The following BCAT1 variants were observed in gnomAD, a reference collection of about 807,000 sequenced individuals.
BCAT1 encodes branched-chain-amino-acid aminotransferase, cytosolic.
BCAT1 carries 48 observed loss-of-function variants against 52.4 expected under a neutral mutation model. That is an observed-to-expected ratio of 0.92 (90% CI 0.73 to 1.16). The LOEUF (loss-of-function observed/expected upper bound fraction) is 1.16, where lower values mean the gene tolerates loss of function less well. Ranked by LOEUF, BCAT1 falls within the 50% of genes most tolerant of loss-of-function variation. The pLI is 0.00. For synonymous variants in BCAT1, 167 were observed against 161.3 expected (o/e 1.04, Z -0.27); for missense variants, 451 against 457.1 (o/e 0.99, Z 0.12).
chr12:24,889,033 T>C (rs1434528876), intron 3 of BCAT1, among the ~76,000 whole-genome samples: 3 of 152,216 alleles, frequency 2.0e-5, no homozygotes, highest in South Asian at 2.1e-4. Flanking sequence ...GTAAACGTCA[T>C]ACCTGATCAA....
intron 6 of BCAT1, 123 bp from the exon 7 acceptor site, chr12:24,842,347 A>AAT (rs1941201935): frequency 1.9e-6 from 2 of 1,076,386 alleles, no homozygotes; most frequent in South Asian, 2.9e-5. Flanking sequence ...TTATGTTCTT[A>AAT]ATATATATAC....
At chr12:24,871,331 T>C (rs749058362) in intron 5 of BCAT1, among the ~76,000 whole-genome samples, 2 of 152,122 alleles carry the variant, frequency 1.3e-5, no homozygotes, top group African/African-American at 4.8e-5. Flanking sequence ...AGTTAGGGAA[T>C]TGGGATACAA....
intron 6 of BCAT1, among the ~76,000 whole-genome samples, chr12:24,842,879 G>A (rs920584390): frequency 2.6e-5 from 4 of 152,006 alleles, no homozygotes; most frequent in Admixed American, 1.3e-4. Context: ...ACATTTTCCC[G>A]GAATGACAAT....
At chr12:24,849,705 T>C in intron 6 of BCAT1, 81 bp downstream of exon 6, 1 of 1,387,376 alleles carries the variant, frequency 7.2e-7, no homozygotes, top group Non-Finnish European at 9.8e-7. Flanking sequence ...GTATTATATG[T>C]GTTCATACTG....
chr12:24,851,458 C>CA (rs983516203), intron 5 of BCAT1, among the ~76,000 whole-genome samples: 6 of 152,030 alleles, frequency 3.9e-5, no homozygotes, highest in African/African-American at 1.2e-4. Flanking sequence ...TTCATGAGCA[C>CA]AAAAAAATGT....
Position 24,878,589 on chromosome 12 carries a change from A to C in BCAT1, c.451T>G (p.Trp151Gly). Residue 151 changes from tryptophan to glycine, a missense_variant, in exon 5 of 11, where the codon TGG becomes GGG. Coordinates refer to ENST00000261192, the MANE Select transcript of BCAT1 (RefSeq NM_005504.7). ...IQQLVKLDQE[W>G]VPYSTSASLY... The stretch of plus-strand genomic sequence containing the variant: ...CTAGCAGATGTTGAATATGGGACCC[A>C]TTCTTGATCCAATTTCACAAGCTGT... 2 of 1,610,692 alleles carry C rather than the reference A, an allele frequency of 1.2e-6. No homozygotes were observed. Among genetic ancestry groups the C allele is most frequent in the Non-Finnish European group, 8.5e-7 (1 of 1,177,168 alleles).
At chr12:24,871,973 A>G (rs1301150128) in intron 5 of BCAT1, among the ~76,000 whole-genome samples, 1 of 152,226 alleles carries the variant, frequency 6.6e-6, no homozygotes, top group Admixed American at 6.5e-5. Context: ...ATGTATATGT[A>G]TTTCACATAG....
chr12:24,929,774 T>C (rs991502901), intron 1 of BCAT1, among the ~76,000 whole-genome samples: 4 of 152,190 alleles, frequency 2.6e-5, no homozygotes, highest in Non-Finnish European at 5.9e-5. Context: ...CCCTGATTCC[T>C]TTTCTGTAGC....
chr12:24,857,856 G>T (rs1423954773), intron 5 of BCAT1, among the ~76,000 whole-genome samples: 1 of 152,174 alleles, frequency 6.6e-6, no homozygotes, highest in Non-Finnish European at 1.5e-5. Flanking sequence ...TAACTAGGCA[G>T]GAAATATGCT....
chr12:24,939,091 C>G (rs1378454324), intron 1 of BCAT1, among the ~76,000 whole-genome samples: 2 of 152,310 alleles, frequency 1.3e-5, no homozygotes, highest in East Asian at 3.9e-4. Flanking sequence ...TCAGGCTAGT[C>G]TCGAACTCCT....
chr12:24,914,306 C>G (rs1348243870), intron 1 of BCAT1, among the ~76,000 whole-genome samples: 1 of 152,124 alleles, frequency 6.6e-6, no homozygotes, highest in Non-Finnish European at 1.5e-5. Context: ...TGGTCTCGAA[C>G]TCCTGAGCTC....
chr12:24,875,839 T>C (rs999857142), intron 5 of BCAT1, among the ~76,000 whole-genome samples: 1 of 152,200 alleles, frequency 6.6e-6, no homozygotes, highest in African/African-American at 2.4e-5. Flanking sequence ...ATTTACTGAA[T>C]CATGGAATTA....
intron 5 of BCAT1, among the ~76,000 whole-genome samples, chr12:24,870,481 TC>T (rs1942152697): frequency 1.3e-5 from 2 of 152,156 alleles, no homozygotes; most frequent in East Asian, 3.9e-4. Flanking sequence ...TCCCACTTCT[TC>T]ACAGCAGTGA....
intron 1 of BCAT1, among the ~76,000 whole-genome samples, chr12:24,924,060 G>A (rs763443058): frequency 3.3e-5 from 5 of 152,102 alleles, no homozygotes; most frequent in Non-Finnish European, 7.4e-5. Context: ...ATTTTCAACC[G>A]ATTATGTCGA....
intron 5 of BCAT1, among the ~76,000 whole-genome samples, chr12:24,862,189 A>G (rs892713172): frequency 1.3e-5 from 2 of 152,152 alleles, no homozygotes; most frequent in Admixed American, 6.5e-5. Context: ...TTCTTTCTCT[A>G]CTTCTCTAAT....
intron 2 of BCAT1, among the ~76,000 whole-genome samples, chr12:24,899,080 G>C (rs1943027899): frequency 6.6e-6 from 1 of 152,192 alleles, no homozygotes; most frequent in East Asian, 1.9e-4. Context: ...TGTGAAGCTG[G>C]AGGAATTGGA....
At chr12:24,943,933 G>A (rs912065215) in intron 1 of BCAT1, among the ~76,000 whole-genome samples, 3 of 151,404 alleles carry the variant, frequency 2.0e-5, no homozygotes, top group Non-Finnish European at 4.4e-5. Context: ...GCAGTGAGCC[G>A]AGATCGCACC....
Position 24,867,307 on chromosome 12 carries a change from C to T in BCAT1, c.510+11223G>A, listed in dbSNP as rs1300498087. Among the ~76,000 whole-genome samples the T allele has an allele frequency of 4.6e-5, 7 of 151,262 alleles. No individual in the cohort carries two copies. The East Asian group carries it at 5.8e-4, about 13-fold the overall frequency. ...ACCAAGAACCCACCAATTCCGGATACGCTACCATGTTTTACAGACTCGAAA... is the reference window on the plus strand; with the variant it reads ...ACCAAGAACCCACCAATTCCGGATATGCTACCATGTTTTACAGACTCGAAA... On this transcript the variant is annotated intron_variant, in intron 5 of 10. Coordinates refer to ENST00000261192, the MANE Select transcript of BCAT1 (RefSeq NM_005504.7).
chr12:24,896,125 A>G (rs994687589), intron 2 of BCAT1, among the ~76,000 whole-genome samples: 3 of 152,170 alleles, frequency 2.0e-5, no homozygotes, highest in Admixed American at 2.0e-4. Context: ...AAGTTCTAAG[A>G]TTACAGGCAT....
Sources: allele counts gnomAD v4.1 joint callset (sites outside exome capture counted in the v4.1 genomes callset), GRCh38; gene constraint gnomAD v4.1.1; transcripts MANE v1.5; gene names NCBI Gene and HGNC (gene_info 2026-07-23, HGNC 2026-07-21).